Variants in PPARGC1A observed in about 807,000 individuals in gnomAD.
PPARGC1A encodes the protein peroxisome proliferator-activated receptor gamma coactivator 1-alpha.
Under a neutral mutation model 88.7 loss-of-function variants are expected in PPARGC1A, and 25 were observed. The ratio of observed to expected loss-of-function variants is 0.28; its 90% CI spans 0.21 to 0.39. PPARGC1A has a LOEUF of 0.39. PPARGC1A is among the 10% of genes least tolerant of loss of function. PPARGC1A has a pLI of 1.00. For missense variants in PPARGC1A, 880 were observed against 968.7 expected, an observed-to-expected ratio of 0.91 and a Z score of 1.22; for synonymous variants, 363 against 355.6, an observed-to-expected ratio of 1.02 and a Z score of -0.24.
chr4:24,121,182 G>A, the PPARGC1A span, among the ~76,000 whole-genome samples: 9 of 152,342 alleles, frequency 5.9e-5, no homozygotes, highest in African/African-American at 9.6e-5. Flanking sequence ...AGGGTGGCCA[G>A]AGCTTACAGT....
chr4:24,245,924 T>TGC, the PPARGC1A span, among the ~76,000 whole-genome samples: 9 of 84,748 alleles, frequency 1.1e-4, no homozygotes, highest in African/African-American at 2.9e-4. Flanking sequence ...GAAAGCCATG[T>TGC]GCACACACAC....
At chr4:24,408,152 G>A in the PPARGC1A span, among the ~76,000 whole-genome samples, 1 of 151,532 alleles carries the variant, frequency 6.6e-6, no homozygotes, top group South Asian at 2.1e-4. Flanking sequence ...ACAAGAGGAA[G>A]ATAAAAGGGA....
chr4:23,992,891 AT>A, the PPARGC1A span, among the ~76,000 whole-genome samples: 1 of 151,932 alleles, frequency 6.6e-6, no homozygotes, highest in African/African-American at 2.4e-5. Flanking sequence ...TCTATGTTCA[AT>A]TAAACACATT....
the PPARGC1A span, among the ~76,000 whole-genome samples, chr4:24,218,263 T>A: frequency 6.6e-6 from 1 of 152,218 alleles, no homozygotes; most frequent in South Asian, 2.1e-4. Context: ...CTATCTGCTC[T>A]GAGAATTAAG....
At chr4:24,190,513 T>C in the PPARGC1A span, among the ~76,000 whole-genome samples, 1 of 151,934 alleles carries the variant, frequency 6.6e-6, no homozygotes, top group East Asian at 1.9e-4. Flanking sequence ...AGACTCCATC[T>C]CAAAAAAATA....
the PPARGC1A span, among the ~76,000 whole-genome samples, chr4:23,911,062 C>G: frequency 6.6e-6 from 1 of 152,060 alleles, no homozygotes; most frequent in Non-Finnish European, 1.5e-5. Flanking sequence ...ATCCTGGTTT[C>G]CCTGCAGCCC....
At chr4:24,278,848 C>G in the PPARGC1A span, among the ~76,000 whole-genome samples, 4 of 152,194 alleles carry the variant, frequency 2.6e-5, no homozygotes, top group Non-Finnish European at 4.4e-5. Context: ...TCAAACCACA[C>G]AGCTGAACCT....
the PPARGC1A span, among the ~76,000 whole-genome samples, chr4:23,973,371 T>C: frequency 1.3e-5 from 2 of 152,162 alleles, no homozygotes; most frequent in African/African-American, 2.4e-5. Flanking sequence ...AAAGATGGAA[T>C]CTAAAGGAAA....
chr4:24,149,899 G>A, the PPARGC1A span, among the ~76,000 whole-genome samples: 2,656 of 152,096 alleles, frequency 0.017, 36 homozygotes, highest in Middle Eastern at 0.041. Flanking sequence ...CAAACCTTAC[G>A]GGAGAAGTTG....
chr4:23,977,052 G>A, the PPARGC1A span, among the ~76,000 whole-genome samples: 4 of 151,928 alleles, frequency 2.6e-5, no homozygotes, highest in African/African-American at 9.7e-5. Flanking sequence ...AGAAGAGGAA[G>A]AGGAAGAAGA....
the PPARGC1A span, among the ~76,000 whole-genome samples, chr4:24,291,639 C>T: frequency 6.6e-5 from 10 of 152,280 alleles, no homozygotes; most frequent in African/African-American, 1.7e-4. Context: ...GCAGTAGAAC[C>T]GCCTTCCATC....
At chr4:23,947,527 A>G in the PPARGC1A span, among the ~76,000 whole-genome samples, 1 of 151,404 alleles carries the variant, frequency 6.6e-6, no homozygotes, top group African/African-American at 2.4e-5. Context: ...ATCTTCATCC[A>G]CCCCTCAAGC....
chr4:23,966,877 A>G, the PPARGC1A span, among the ~76,000 whole-genome samples: 1 of 152,150 alleles, frequency 6.6e-6, no homozygotes, highest in African/African-American at 2.4e-5. Flanking sequence ...CTGTCTGGGA[A>G]TGGAGAGAGC....
At chr4:24,085,837 G>C in the PPARGC1A span, among the ~76,000 whole-genome samples, 1 of 152,094 alleles carries the variant, frequency 6.6e-6, no homozygotes, top group Non-Finnish European at 1.5e-5. Flanking sequence ...CTGGATCCAG[G>C]CTGCTTGGGT....
chr4:23,961,650 C>T, the PPARGC1A span, among the ~76,000 whole-genome samples: 1 of 152,112 alleles, frequency 6.6e-6, no homozygotes, highest in Admixed American at 6.5e-5. Context: ...GCCCTCTTCC[C>T]TGTGGTAATT....
the PPARGC1A span, among the ~76,000 whole-genome samples, chr4:24,033,410 G>GACACACAC: frequency 0.04 from 6,044 of 150,918 alleles, 325 homozygotes; most frequent in African/African-American, 0.11. Flanking sequence ...TAGACAGACA[G>GACACACAC]ACACACACAC....
At chr4:23,855,783 T>A (rs909342229) in intron 2 of PPARGC1A, among the ~76,000 whole-genome samples, 1 of 152,056 alleles carries the variant, frequency 6.6e-6, no homozygotes, top group South Asian at 2.1e-4. Flanking sequence ...CAGAGGCACC[T>A]AAGCTGTGGT....
chr4:23,947,378 TATATATATATATATATATAAAA>T, the PPARGC1A span, among the ~76,000 whole-genome samples: 5,401 of 24,018 alleles, frequency 0.22, 406 homozygotes, highest in African/African-American at 0.29. Context: ...TATATATATA[TATATATATATATATATATAAAA>T]AAAACGGTGA....
the PPARGC1A span, among the ~76,000 whole-genome samples, chr4:24,229,030 C>T: frequency 5.9e-5 from 9 of 151,976 alleles, no homozygotes; most frequent in East Asian, 3.9e-4. Context: ...TTGTAACTAA[C>T]GATTCTCAAC....
Sources: gnomAD v4.1 joint callset for allele counts (sites outside exome capture counted in the v4.1 genomes callset) on GRCh38, gnomAD v4.1.1 for gene constraint, MANE v1.5 for transcripts, NCBI Gene and HGNC (gene_info 2026-07-23, HGNC 2026-07-21) for gene names.